Variants in GOT1 observed in about 807,000 individuals in gnomAD.
The protein encoded by GOT1 is glutamic-oxaloacetic transaminase 1.
A neutral mutation model predicts 48.2 loss-of-function variants in GOT1; 25 were observed. The ratio of observed to expected loss-of-function variants is 0.52; its 90% CI spans 0.38 to 0.72. The LOEUF is 0.72. GOT1 is among the 30% of genes least tolerant of loss of function. The pLI is 0.00. For synonymous variants in GOT1, 188 were observed against 193.8 expected, an observed-to-expected ratio of 0.97 and a Z score of 0.25; for missense variants, 380 against 520.1, an observed-to-expected ratio of 0.73 and a Z score of 2.62.
chr10:99,406,342 C>T (rs2032755261), intron 3 of GOT1, 93 bp from the exon 4 acceptor site: 1 of 849,540 alleles, frequency 1.2e-6, no homozygotes, highest in Admixed American at 1.8e-5. Flanking sequence ...CCCTCCCAGG[C>T]TCAATGTCCA....
intron 2 of GOT1, among the ~76,000 whole-genome samples, chr10:99,416,979 G>A (rs1473156971): frequency 6.6e-6 from 1 of 152,116 alleles, no homozygotes; most frequent in Non-Finnish European, 1.5e-5. Flanking sequence ...AAAAACCCTA[G>A]AAGAAAACCT....
chr10:99,407,116 G>C (rs548950645), intron 2 of GOT1, among the ~76,000 whole-genome samples: 1 of 152,246 alleles, frequency 6.6e-6, no homozygotes, highest in Non-Finnish European at 1.5e-5. Context: ...TTCAACCCAG[G>C]AGGTCTGACA....
chr10:99,400,396 A>T (rs971751713), intron 8 of GOT1, among the ~76,000 whole-genome samples: 1 of 152,248 alleles, frequency 6.6e-6, no homozygotes, highest in African/African-American at 2.4e-5. Flanking sequence ...CTGTAATCCC[A>T]GCACCTTGGG....
intron 8 of GOT1, among the ~76,000 whole-genome samples, chr10:99,399,309 T>C (rs995219704): frequency 1.3e-5 from 2 of 152,210 alleles, no homozygotes; most frequent in African/African-American, 4.8e-5. Flanking sequence ...CTACATAATA[T>C]AACAAGACCA....
intron 2 of GOT1, among the ~76,000 whole-genome samples, chr10:99,412,337 G>A (rs1490654023): frequency 3.3e-5 from 5 of 151,664 alleles, no homozygotes; most frequent in African/African-American, 1.2e-4. Context: ...GCTATGGGCG[G>A]TGGGGGTGGG....
intron 5 of GOT1, among the ~76,000 whole-genome samples, chr10:99,405,522 C>CAT (rs775156808): frequency 2.0e-5 from 2 of 101,518 alleles, no homozygotes; most frequent in African/African-American, 1.2e-4. Flanking sequence ...TAAAACTAGA[C>CAT]ACACACACAC....
chr10:99,415,216 A>G (rs6584274), intron 2 of GOT1, among the ~76,000 whole-genome samples: 150,448 of 152,166 alleles, frequency 0.99, 74,375 homozygotes, highest in East Asian at 1. Context: ...AAGAAGAAAA[A>G]AGAGAAGAAC....
intron 2 of GOT1, among the ~76,000 whole-genome samples, chr10:99,419,006 G>A (rs1028766835): frequency 6.6e-6 from 1 of 152,068 alleles, no homozygotes. Context: ...CCTAATCATG[G>A]ACCTGAGTCC....
At chr10:99,412,743 C>T (rs760070005) in intron 2 of GOT1, among the ~76,000 whole-genome samples, 3 of 152,092 alleles carry the variant, frequency 2.0e-5, no homozygotes, top group Non-Finnish European at 2.9e-5. Context: ...CCCTCTGAGA[C>T]GAAACTTCCA....
At chr10:99,409,898 T>C (rs1211747239) in intron 2 of GOT1, among the ~76,000 whole-genome samples, 1 of 152,250 alleles carries the variant, frequency 6.6e-6, no homozygotes, top group African/African-American at 2.4e-5. Flanking sequence ...ATCGGCACTA[T>C]TATGCACCAA....
intron 1 of GOT1, among the ~76,000 whole-genome samples, chr10:99,421,173 T>C (rs2032960831): frequency 6.6e-6 from 1 of 152,228 alleles, no homozygotes; most frequent in Non-Finnish European, 1.5e-5. Flanking sequence ...TCAATATCAC[T>C]AGTGCACTGA....
intron 2 of GOT1, among the ~76,000 whole-genome samples, chr10:99,410,843 G>A (rs2032819846): frequency 6.6e-6 from 1 of 152,204 alleles, no homozygotes; most frequent in Non-Finnish European, 1.5e-5. Flanking sequence ...CCAGGCAACT[G>A]GACCTGGGTA....
intron 1 of GOT1, 170 bp downstream of exon 1, chr10:99,430,278 T>C: frequency 6.4e-7 from 1 of 1,552,808 alleles, no homozygotes; most frequent in South Asian, 1.2e-5. Context: ...CACCTGCATC[T>C]GTAAAATGGG....
chr10:99,409,855 A>C (rs1182963439), intron 2 of GOT1, among the ~76,000 whole-genome samples: 1 of 152,232 alleles, frequency 6.6e-6, no homozygotes, highest in Non-Finnish European at 1.5e-5. Context: ...TAGAAATCCC[A>C]TTTAAGCCAA....
intron 8 of GOT1, among the ~76,000 whole-genome samples, chr10:99,402,307 AC>A (rs1308001497): frequency 1.4e-4 from 21 of 152,096 alleles, no homozygotes; most frequent in African/African-American, 5.1e-4. Flanking sequence ...CAATCCTGTT[AC>A]CTCCCAGCTG....
At chr10:99,403,922 A>G in intron 5 of GOT1, 48 bp from the exon 6 acceptor site, 1 of 1,587,504 alleles carries the variant, frequency 6.3e-7, no homozygotes, top group Non-Finnish European at 8.6e-7. Flanking sequence ...TCTGGCACCA[A>G]CCTCAGACAC....
intron 1 of GOT1, 81 bp downstream of exon 1, chr10:99,430,366 GC>G: frequency 6.2e-7 from 1 of 1,607,706 alleles, no homozygotes; most frequent in Non-Finnish European, 8.5e-7. Context: ...CTGGGCCTCG[GC>G]TTCTCCCACA....
chr10:99,412,695 C>T (rs913117663), intron 2 of GOT1, among the ~76,000 whole-genome samples: 5 of 152,028 alleles, frequency 3.3e-5, no homozygotes, highest in African/African-American at 4.8e-5. Flanking sequence ...GAGGCACCCC[C>T]CAGTAGGGGC....
chr10:99,400,902 C>T (rs1166848330), intron 8 of GOT1, among the ~76,000 whole-genome samples: 1 of 152,074 alleles, frequency 6.6e-6, no homozygotes, highest in Non-Finnish European at 1.5e-5. Context: ...GATTGTGCCA[C>T]TGCACTCCAG....
Sources: allele counts gnomAD v4.1 joint callset (sites outside exome capture counted in the v4.1 genomes callset), GRCh38; gene constraint gnomAD v4.1.1; transcripts MANE v1.5; gene names NCBI Gene and HGNC (gene_info 2026-07-23, HGNC 2026-07-21).